The following DENND2C variants were observed in gnomAD, a reference collection of about 807,000 sequenced individuals.
DENND2C encodes DENN domain containing 2C.
Under a neutral mutation model 112.4 loss-of-function variants are expected in DENND2C, and 72 were observed. That is an observed-to-expected ratio of 0.64 (90% CI 0.53 to 0.78). The LOEUF is 0.78. Among genes scored for constraint, DENND2C ranks in the 30% least tolerant of loss-of-function variants. The probability of loss-of-function intolerance (pLI) is 0.00; values close to 1 mark genes in which losing one functional copy is unlikely to be tolerated. For missense variants in DENND2C, 992 were observed against 1,113.8 expected, an observed-to-expected ratio of 0.89 and a Z score of 1.56; for synonymous variants, 329 against 381.6, an observed-to-expected ratio of 0.86 and a Z score of 1.61.
At chr1:114,648,477 A>AT (rs1404745928) in intron 2 of DENND2C, among the ~76,000 whole-genome samples, 2 of 152,338 alleles carry the variant, frequency 1.3e-5, no homozygotes, top group East Asian at 3.9e-4. Flanking sequence ...CTCTGCTGAC[A>AT]TTAGTTCACT....
chr1:114,592,458 A>G (rs1655220167), intron 18 of DENND2C, among the ~76,000 whole-genome samples: 3 of 152,124 alleles, frequency 2.0e-5, no homozygotes, highest in Admixed American at 1.3e-4. Flanking sequence ...TGGCTCACCC[A>G]TGTAATCCCA....
chr1:114,605,064 T>TA (rs1287245290), intron 10 of DENND2C, 33 bp from the exon 11 acceptor site: 2 of 1,482,354 alleles, frequency 1.3e-6, no homozygotes, highest in Non-Finnish European at 1.9e-6. Context: ...TGACTTAAAT[T>TA]ATACTATGTA....
intron 8 of DENND2C, among the ~76,000 whole-genome samples, chr1:114,618,065 T>G (rs1331760543): frequency 6.6e-6 from 1 of 151,952 alleles, no homozygotes; most frequent in Non-Finnish European, 1.5e-5. Context: ...TTCAGCTCAC[T>G]GCAAGCTCGG....
intron 3 of DENND2C, among the ~76,000 whole-genome samples, chr1:114,626,941 C>G (rs745949575): frequency 3.4e-4 from 52 of 152,204 alleles, no homozygotes; most frequent in Non-Finnish European, 7.2e-4. Context: ...GGAAACACAC[C>G]AATAGCCAAC....
chr1:114,643,156 C>T (rs528618745), intron 3 of DENND2C, among the ~76,000 whole-genome samples: 5 of 152,228 alleles, frequency 3.3e-5, no homozygotes, highest in African/African-American at 9.6e-5. Context: ...AATGCTTCTG[C>T]AATGCTGTCT....
chr1:114,629,082 T>G (rs1216793950), intron 3 of DENND2C, among the ~76,000 whole-genome samples: 2 of 152,222 alleles, frequency 1.3e-5, no homozygotes, highest in Admixed American at 6.5e-5. Context: ...TAAAAATCAT[T>G]TTGTCTTTTC....
chr1:114,596,832 G>C (rs562210993), intron 16 of DENND2C, among the ~76,000 whole-genome samples: 2 of 152,122 alleles, frequency 1.3e-5, no homozygotes, highest in South Asian at 4.1e-4. Context: ...AAGTGGTATC[G>C]ACACAGACGG....
rs1366652355 is a variant in DENND2C at position 114,583,894 on chromosome 1, C to A, written c.*1706G>T. 6.6e-6 allele frequency: 1 copy of A among 151,290 alleles called. No homozygotes were observed. The highest frequency in any genetic ancestry group is 1.5e-5 in the Non-Finnish European group (1 of 67,964). The allele number at this position is 151,290 out of a possible 1,614,324, so 9.4% of individuals were successfully genotyped here. ...ACACTGCACCATCACTGAAAACTTT[C>A]TCTTTCCAATCACTACTACTACTAC... On this transcript the variant is annotated 3_prime_UTR_variant, in exon 21 of 21. Coordinates refer to ENST00000393274, the MANE Select transcript of DENND2C (RefSeq NM_001256404.2).
intron 3 of DENND2C, among the ~76,000 whole-genome samples, chr1:114,634,817 T>C (rs958180781): frequency 3.3e-5 from 5 of 151,958 alleles, no homozygotes; most frequent in African/African-American, 1.2e-4. Context: ...CATCTGAAGT[T>C]AGGAGTTCAA....
chr1:114,638,780 G>T (rs1337065483), intron 3 of DENND2C, among the ~76,000 whole-genome samples: 1 of 126,010 alleles, frequency 7.9e-6, no homozygotes, highest in Admixed American at 7.9e-5. Flanking sequence ...AAAAAAAAAA[G>T]AGAAAAAAGA....
chr1:114,645,402 G>C (rs1184063478), intron 3 of DENND2C, 46 bp downstream of exon 3: 1 of 152,176 alleles, frequency 6.6e-6, no homozygotes, highest in East Asian at 1.9e-4. Flanking sequence ...ACAGGGAGAA[G>C]ACTGCTATCT....
intron 3 of DENND2C, among the ~76,000 whole-genome samples, chr1:114,637,919 A>C (rs1656702415): frequency 6.6e-6 from 1 of 152,156 alleles, no homozygotes; most frequent in South Asian, 2.1e-4. Context: ...AAATCACAGC[A>C]GGTTTTGCTG....
chr1:114,667,214 G>A (rs1657669566), intron 1 of DENND2C, among the ~76,000 whole-genome samples: 1 of 152,172 alleles, frequency 6.6e-6, no homozygotes, highest in South Asian at 2.1e-4. Context: ...CACGCAGAAT[G>A]ATTTTTCCTC....
At chr1:114,609,772 T>C (rs1655760962) in intron 9 of DENND2C, among the ~76,000 whole-genome samples, 1 of 152,218 alleles carries the variant, frequency 6.6e-6, no homozygotes, top group South Asian at 2.1e-4. Flanking sequence ...CAAAAGAAGT[T>C]ATACTATAGA....
Position 114,621,961 on chromosome 1 carries a change from A to G in DENND2C, c.1161T>C (p.Thr387=). The change falls in exon 7 of 21, where the codon ACT becomes ACC. Residue 387 remains threonine, a synonymous_variant. Transcript: ENST00000393274. ...CTCGGAAAAGCTTCCATTCCGTTAA[A>G]GTGACCGGCAAAGTTGTATCTTTTG... ...KLTKDTTLPV[T]LTEWKLFRAG... 6.4e-7 allele frequency: 1 copy of G among 1,550,820 alleles called. No homozygotes were observed. The highest frequency in any genetic ancestry group is 8.7e-7 in the Non-Finnish European group (1 of 1,147,044).
Position 114,594,587 on chromosome 1 carries a change from GAA to G in DENND2C, c.2326-11_2326-10del. 2 of 1,573,032 alleles carry G rather than the reference GAA, an allele frequency of 1.3e-6. No individual in the cohort carries two copies. The highest frequency in any genetic ancestry group is 1.7e-6 in the Non-Finnish European group (2 of 1,156,800). ...TCATCCTCATCAGATACCTTAAGAA[GAA>G]AAAAAAATGGAGATTTTTCTTTGTT... On this transcript the variant is annotated splice_polypyrimidine_tract_variant and intron_variant, in intron 17 of 20. Transcript: ENST00000393274.
chr1:114,625,257 C>T lies in DENND2C; in HGVS notation c.728G>A (p.Cys243Tyr), dbSNP rs371721952. The change falls in exon 4 of 21, where the codon TGT becomes TAT. Residue 243 changes from cysteine to tyrosine, a missense_variant. Physicochemically the swap from Cys to Tyr is radical, Grantham distance 194. Around this residue, in one of 3 missense-constraint regions of DENND2C, gnomAD observed 470 missense variants for 472.7 expected, o/e 0.99. Transcript: ENST00000393274. The stretch of plus-strand genomic sequence containing the variant: ...AGAAGAGGCCAAAGAAGATTGTGCA[C>T]AAGAGTTATTTTCACAGTATTTTTT... Reference protein sequence around the residue: ...CDKKYCENNSCAQSSLASSQE... With the variant: ...CDKKYCENNSYAQSSLASSQE... 50 of 1,614,024 alleles carry T rather than the reference C, an allele frequency of 3.1e-5. No homozygotes were observed. Among genetic ancestry groups the T allele is most frequent in the Non-Finnish European group, 4.0e-5 (47 of 1,180,020 alleles).
Position 114,625,160 on chromosome 1 carries a change from C to A in DENND2C, c.806+19G>T, listed in dbSNP as rs374813817. 2.0e-5 allele frequency: 32 copies of A among 1,571,344 alleles called. No individual in the cohort carries two copies. The highest frequency in any genetic ancestry group is 2.7e-5 in the Non-Finnish European group (31 of 1,163,460). On this transcript the variant is annotated intron_variant, in intron 4 of 20. Coordinates refer to ENST00000393274, the MANE Select transcript of DENND2C (RefSeq NM_001256404.2). ...AAGGAAAATACCTACAAGTCTTTAT[C>A]TGTAGGATAAAAACATACCTTTTAG...
chr1:114,605,175 T>C (rs1190240668), intron 10 of DENND2C, 144 bp from the exon 11 acceptor site: 5 of 550,256 alleles, frequency 9.1e-6, no homozygotes, highest in Non-Finnish European at 1.3e-5. Context: ...TTTGTACTGC[T>C]TAACTAAATT....
Sources: gnomAD v4.1 joint callset for allele counts (sites outside exome capture counted in the v4.1 genomes callset) on GRCh38, gnomAD v4.1.1 for gene constraint, gnomAD v4.1.1 regional missense constraint, MANE v1.5 for transcripts, NCBI Gene and HGNC (gene_info 2026-07-23, HGNC 2026-07-21) for gene names.